GPC6: variants seen among roughly 807,000 people sequenced by gnomAD.
GPC6 encodes the protein glypican-6.
In GPC6, 14 loss-of-function variants were observed where a neutral mutation model predicts 55.2. The observed-to-expected ratio is 0.25, with a 90% confidence interval of 0.17 to 0.40. GPC6 has a LOEUF of 0.40. Ranked by LOEUF, GPC6 falls within the 10% of genes least tolerant of loss-of-function variation. The pLI, the probability that GPC6 is intolerant of heterozygous loss-of-function variation, is 1.00. For missense variants in GPC6, 641 were observed against 708.5 expected, an observed-to-expected ratio of 0.90 and a Z score of 1.08; for synonymous variants, 278 against 259.6, an observed-to-expected ratio of 1.07 and a Z score of -0.68.
At chr13:93,444,615 C>T (rs1566360931) in intron 1 of GPC6, among the ~76,000 whole-genome samples, 1 of 151,960 alleles carries the variant, frequency 6.6e-6, no homozygotes, top group Non-Finnish European at 1.5e-5. Context: ...TCAAAACAAA[C>T]AACAACAACA....
At chr13:93,858,561 CA>C (rs1888702168) in intron 3 of GPC6, among the ~76,000 whole-genome samples, 2 of 151,574 alleles carry the variant, frequency 1.3e-5, no homozygotes, top group African/African-American at 2.4e-5. Context: ...GACAAATCAG[CA>C]AAGACGATTG....
At chr13:94,144,268 T>A (rs1593982050) in intron 4 of GPC6, among the ~76,000 whole-genome samples, 1 of 151,842 alleles carries the variant, frequency 6.6e-6, no homozygotes, top group East Asian at 2.0e-4. Context: ...AATAAAAGAG[T>A]GAACAGTCAT....
intron 3 of GPC6, among the ~76,000 whole-genome samples, chr13:93,864,107 T>C (rs998816852): frequency 8.6e-5 from 13 of 151,700 alleles, no homozygotes; most frequent in African/African-American, 2.9e-4. Flanking sequence ...ACCATAATCC[T>C]ACCTAATTTC....
chr13:93,952,594 T>C (rs1879298361), intron 3 of GPC6, among the ~76,000 whole-genome samples: 1 of 151,872 alleles, frequency 6.6e-6, no homozygotes, highest in South Asian at 2.1e-4. Flanking sequence ...TTATATGTGA[T>C]GTATACATTT....
At chr13:94,129,526 G>C (rs1447803682) in intron 4 of GPC6, among the ~76,000 whole-genome samples, 3 of 152,056 alleles carry the variant, frequency 2.0e-5, no homozygotes. Context: ...CTGTGGTTCT[G>C]CCTCCCACTC....
chr13:93,976,316 AG>A (rs1390506262), intron 3 of GPC6, among the ~76,000 whole-genome samples: 1 of 141,050 alleles, frequency 7.1e-6, no homozygotes, highest in Non-Finnish European at 1.5e-5. Flanking sequence ...TATGTCTTAA[AG>A]TAGACTTATT....
intron 2 of GPC6, among the ~76,000 whole-genome samples, chr13:93,676,158 TATATATATATACATACACAC>T (rs1242526367): frequency 4.3e-5 from 1 of 23,016 alleles, no homozygotes; most frequent in African/African-American, 1.0e-4. Context: ...TATATATATA[TATATATATATACATACACAC>T]ACACACACAC....
chr13:93,264,895 G>A (rs1338351644), intron 1 of GPC6, among the ~76,000 whole-genome samples: 1 of 151,918 alleles, frequency 6.6e-6, no homozygotes, highest in Non-Finnish European at 1.5e-5. Context: ...TGGATAGAGG[G>A]CTTACCGTAT....
intron 2 of GPC6, among the ~76,000 whole-genome samples, chr13:93,588,382 G>A (rs570868269): frequency 4.3e-3 from 92 of 21,618 alleles, no homozygotes; most frequent in African/African-American, 4.9e-3. Flanking sequence ...GTGTGTGTGT[G>A]TGTGTGTGTG....
chr13:93,239,179 T>C (rs1478827017), intron 1 of GPC6, among the ~76,000 whole-genome samples: 1 of 151,992 alleles, frequency 6.6e-6, no homozygotes, highest in Non-Finnish European at 1.5e-5. Context: ...TTTTAATGTC[T>C]GGTCACATTC....
intron 1 of GPC6, among the ~76,000 whole-genome samples, chr13:93,542,755 G>A (rs148766888): frequency 0.013 from 2,010 of 152,182 alleles, 41 homozygotes; most frequent in African/African-American, 0.04. Flanking sequence ...TTGTAAGTTG[G>A]ATTCCTAGGT....
chr13:93,796,301 T>A (rs1886195517), intron 2 of GPC6, among the ~76,000 whole-genome samples: 1 of 152,228 alleles, frequency 6.6e-6, no homozygotes, highest in African/African-American at 2.4e-5. Flanking sequence ...AGAACTGTAT[T>A]TTAATGAGAG....
chr13:93,895,234 G>GTGTGTGTGTGTGTGTGTGTATGTA (rs1196315147), intron 3 of GPC6, among the ~76,000 whole-genome samples: 1 of 108,208 alleles, frequency 9.2e-6, no homozygotes, highest in African/African-American at 3.7e-5. Flanking sequence ...GTGTGTGTGT[G>GTGTGTGTGTGTGTGTGTGTATGTA]TATATATATA....
At chr13:93,259,323 G>T (rs1014020932) in intron 1 of GPC6, among the ~76,000 whole-genome samples, 59 of 152,106 alleles carry the variant, frequency 3.9e-4, no homozygotes, top group African/African-American at 1.4e-3. Context: ...GAGTTCTGTG[G>T]AAGTGGGTGA....
chr13:93,463,330 T>G (rs927779955), intron 1 of GPC6, among the ~76,000 whole-genome samples: 3 of 152,180 alleles, frequency 2.0e-5, no homozygotes, highest in African/African-American at 7.2e-5. Context: ...CATGGACGTT[T>G]GCGAAAATGG....
chr13:94,329,939 G>C (rs746730884), intron 6 of GPC6, among the ~76,000 whole-genome samples: 2 of 152,170 alleles, frequency 1.3e-5, no homozygotes, highest in Non-Finnish European at 2.9e-5. Flanking sequence ...GTTTCATCAT[G>C]TAGTGATTCA....
At chr13:93,256,687 G>GA (rs1053373876) in intron 1 of GPC6, among the ~76,000 whole-genome samples, 3 of 152,104 alleles carry the variant, frequency 2.0e-5, no homozygotes, top group Non-Finnish European at 4.4e-5. Context: ...TCTCTGTTAT[G>GA]AAAAATACTC....
chr13:94,012,311 A>G (rs1248227629), intron 3 of GPC6, among the ~76,000 whole-genome samples: 1 of 151,994 alleles, frequency 6.6e-6, no homozygotes, highest in African/African-American at 2.4e-5. Flanking sequence ...GGTACTTTGC[A>G]GGGTGAGGTT....
chr13:93,466,482 A>T (rs1283163679), intron 1 of GPC6, among the ~76,000 whole-genome samples: 1 of 152,242 alleles, frequency 6.6e-6, no homozygotes, highest in African/African-American at 2.4e-5. Context: ...ATATGTGGTA[A>T]TGGTCAGTAA....
Sources: gnomAD v4.1 joint callset for allele counts (sites outside exome capture counted in the v4.1 genomes callset) on GRCh38, gnomAD v4.1.1 for gene constraint, MANE v1.5 for transcripts, NCBI Gene and HGNC (gene_info 2026-07-23, HGNC 2026-07-21) for gene names.